The following ADAMTS2 variants were observed in gnomAD, a reference collection of about 807,000 sequenced individuals.
The protein encoded by ADAMTS2 is A disintegrin and metalloproteinase with thrombospondin motifs 2.
A neutral mutation model predicts 123.0 loss-of-function variants in ADAMTS2; 50 were observed. The observed-to-expected ratio is 0.41, with a 90% CI of 0.32 to 0.51. ADAMTS2 has a LOEUF of 0.51. Ranked by LOEUF, ADAMTS2 falls within the 20% of genes least tolerant of loss-of-function variation. The pLI is 0.35. For missense variants in ADAMTS2, 1,494 were observed against 1,705.2 expected, an observed-to-expected ratio of 0.88 and a Z score of 2.18; for synonymous variants, 678 against 695.4, an observed-to-expected ratio of 0.98 and a Z score of 0.39.
chr5:179,163,309 A>G lies in ADAMTS2; in HGVS notation c.976-4430T>C, dbSNP rs528640358. On this transcript the variant is annotated intron_variant, in intron 5 of 21. Transcript: ENST00000251582. ...AAAGGGTACAGAGGAATATTTCCCT[A>G]TTAGAATAGAGTGGGGGTCGGTGAT... Among the ~76,000 whole-genome samples, 7 of 152,298 alleles carry G rather than the reference A, an allele frequency of 4.6e-5. No homozygotes were observed. In the South Asian group the frequency reaches 1.0e-3, roughly 23 times the overall value.
In ADAMTS2 at chr5:179,243,150, G is replaced by GAA. The variant is rs34678289; in HGVS notation, c.688+29759_688+29760dup. 4.5e-3 allele frequency among the ~76,000 whole-genome samples: 644 copies of GAA among 143,916 alleles called. 10 individuals are homozygous for GAA. Among genetic ancestry groups the GAA allele is most frequent in the African/African-American group, 0.016 (607 of 38,790 alleles). The allele number at this position is 143,916 out of a possible 152,430, so 94.4% of individuals were successfully genotyped here. ...GAACCACAGACCAGCTTATTTACTGGAAAAAAAAAAAAAAAATCAGGAGAA... is the reference window on the plus strand; with the variant it reads ...GAACCACAGACCAGCTTATTTACTGGAAAAAAAAAAAAAAAAAATCAGGAGAA... On this transcript the variant is annotated intron_variant, in intron 3 of 21. Coordinates refer to ENST00000251582, the MANE Select transcript of ADAMTS2 (RefSeq NM_014244.5).
rs758074163 is a variant in ADAMTS2, at chr5:179,273,002, C to T, written c.597G>A (p.Ala199=). Residue 199 remains alanine, a synonymous_variant, in exon 3 of 22, where the codon GCG becomes GCA. Transcript: ENST00000251582. ...CACGGCCTTGCTCAGCCTCCTGCGC[C>T]GCCAGCCCCTTCTCCAAGGGTTCGA... ...FFIEPLEKGL[A]AQEAEQGRVH... The T allele has an allele frequency of 1.5e-5, 25 of 1,613,448 alleles. No individual in the cohort carries two copies. Among genetic ancestry groups the T allele is most frequent in the Admixed American group, 5.0e-5 (3 of 60,030 alleles).
rs1200368690 is a variant in ADAMTS2 at position 179,117,914 on chromosome 5, A to G, written c.3179-3590T>C. On this transcript the variant is annotated intron_variant, in intron 21 of 21. Transcript: ENST00000251582. This position sits in a 1 kb window ranked among gnomAD's most constrained non-coding sequence, Gnocchi z 4.2. ...TGTGACAGAGACCATGTGGGCTCCA[A>G]TGCCCAAAATATTGACTACCTGGCC... Among the ~76,000 whole-genome samples the G allele has an allele frequency of 6.6e-6, 1 of 152,186 alleles. No individual in the cohort carries two copies. Among genetic ancestry groups the G allele is most frequent in the Non-Finnish European group, 1.5e-5 (1 of 68,036 alleles).
At chr5:179,144,507 G>A (rs988145806) in intron 10 of ADAMTS2, among the ~76,000 whole-genome samples, 3 of 152,156 alleles carry the variant, frequency 2.0e-5, no homozygotes, top group African/African-American at 7.2e-5. Flanking sequence ...TCACCATTTC[G>A]AAGCTTACTA....
chr5:179,237,587 G>T (rs528251195), intron 3 of ADAMTS2, among the ~76,000 whole-genome samples: 1 of 152,168 alleles, frequency 6.6e-6, no homozygotes, highest in Non-Finnish European at 1.5e-5. Flanking sequence ...TCAGTTAAGC[G>T]GTGCTGCCCA....
chr5:179,344,095 C>A lies in ADAMTS2; in HGVS notation c.206G>T (p.Arg69Leu), dbSNP rs757502176. 13 of 1,609,102 alleles carry A rather than the reference C, an allele frequency of 8.1e-6. No individual in the cohort carries two copies. Among genetic ancestry groups the A allele is most frequent in the Non-Finnish European group, 1.1e-5 (13 of 1,177,638 alleles). The change falls in exon 2 of 22, where the codon CGC becomes CTC. Residue 69 changes from arginine (R) to leucine (L), a missense_variant. This residue lies in a region of ADAMTS2 where 237 missense variants were observed against 233.7 expected (regional missense o/e 1.01). Coordinates refer to ENST00000251582, the MANE Select transcript of ADAMTS2 (RefSeq NM_014244.5). ...TGCCGACACCACGTGGGACACCAAGCGGCCCTGGGCGTCAGTGCGCACGGG... is the reference window on the plus strand; with the variant it reads ...TGCCGACACCACGTGGGACACCAAGAGGCCCTGGGCGTCAGTGCGCACGGG... Reference protein sequence around the residue: ...AVPVRTDAQGRLVSHVVSAAT... With the variant: ...AVPVRTDAQGLLVSHVVSAAT...
At chr5:179,134,835 AGCCCCCAGCTCCCG>A in intron 13 of ADAMTS2, among the ~76,000 whole-genome samples, 1 of 64,396 alleles carries the variant, frequency 1.6e-5, no homozygotes, top group Non-Finnish European at 3.0e-5. Context: ...TCCCGGCTCC[AGCCCCCAGCTCCCG>A]GCTCCAGCTC....
chr5:179,212,175 G>A (rs1764868345), intron 3 of ADAMTS2, among the ~76,000 whole-genome samples: 2 of 152,258 alleles, frequency 1.3e-5, no homozygotes, highest in Non-Finnish European at 2.9e-5. Flanking sequence ...GTGGGATGGT[G>A]CGGGCTCTGA....
rs373906183 is a variant in ADAMTS2, at chr5:179,181,031, G to C, written c.975+41C>G. 1.1e-5 allele frequency: 16 copies of C among 1,522,674 alleles called. No individual in the cohort carries two copies. The African/African-American group carries it at 2.2e-4, about 21-fold the overall frequency. 94.3% of individuals were successfully genotyped at this position (1,522,674 alleles called of 1,614,324 possible). A position where few individuals can be genotyped will look rare whatever the true frequency, so the allele number is the denominator to read the frequency against. On this transcript the variant is annotated intron_variant, in intron 5 of 21. Coordinates refer to ENST00000251582, the MANE Select transcript of ADAMTS2 (RefSeq NM_014244.5). This position sits in a 1 kb window ranked among gnomAD's most constrained non-coding sequence, Gnocchi z 4.1. ...GCCTCACTCCCAGGCCCCTCACTCC[G>C]AGGGGGTGGAGGCAGGCCCGGCTGG...
intron 3 of ADAMTS2, among the ~76,000 whole-genome samples, chr5:179,240,878 C>T (rs911985606): frequency 2.6e-5 from 4 of 152,150 alleles, no homozygotes; most frequent in South Asian, 2.1e-4. Context: ...AGGTTTTGTC[C>T]GGTAAAGGGA....
chr5:179,155,319 CCT>C lies in ADAMTS2; in HGVS notation c.1133-402_1133-401del, dbSNP rs930928037. On this transcript the variant is annotated intron_variant, in intron 6 of 21. Coordinates refer to ENST00000251582, the MANE Select transcript of ADAMTS2 (RefSeq NM_014244.5). This position sits in a 1 kb window ranked among gnomAD's most constrained non-coding sequence, Gnocchi z 5.1. The stretch of plus-strand genomic sequence containing the variant: ...CCCCTGAGCAGCACCTGCTTCCACA[CCT>C]CTCTCTGCTAGAGGCATCCTGCCCC... Among the ~76,000 whole-genome samples the C allele has an allele frequency of 3.3e-5, 5 of 152,206 alleles. No homozygotes were observed. The highest frequency in any genetic ancestry group is 1.2e-4 in the African/African-American group (5 of 41,456).
chr5:179,232,337 G>A (rs184939664), intron 3 of ADAMTS2, among the ~76,000 whole-genome samples: 2 of 152,340 alleles, frequency 1.3e-5, no homozygotes, highest in East Asian at 3.9e-4. Context: ...AGGTGGCTCA[G>A]GCACTGTTCC....
intron 4 of ADAMTS2, among the ~76,000 whole-genome samples, chr5:179,198,144 G>T (rs1305092393): frequency 6.6e-6 from 1 of 152,178 alleles, no homozygotes; most frequent in East Asian, 1.9e-4. Flanking sequence ...GCCCTCGGGG[G>T]CGGGGGGCGG....
intron 2 of ADAMTS2, among the ~76,000 whole-genome samples, chr5:179,302,137 T>C (rs1232406587): frequency 6.6e-6 from 1 of 152,054 alleles, no homozygotes; most frequent in Non-Finnish European, 1.5e-5. Flanking sequence ...CCGGGACTTC[T>C]GCCTCTCACC....
chr5:179,258,014 C>T (rs1021268527), intron 3 of ADAMTS2, among the ~76,000 whole-genome samples: 1 of 152,188 alleles, frequency 6.6e-6, no homozygotes. Context: ...ACCTGCCAGG[C>T]CCCCATCAGT....
In ADAMTS2 at chr5:179,207,641, G is replaced by C; in HGVS notation, c.763C>G (p.Arg255Gly). 1 of 1,613,706 alleles carries C rather than the reference G, an allele frequency of 6.2e-7. No homozygotes were observed. Among genetic ancestry groups the C allele is most frequent in the Admixed American group, 1.7e-5 (1 of 60,026 alleles). ...VLEEHANSSR[R>G]RARRHAADDD... ...TCCGCAGCATGCCTGCGTGCCCTCC[G>C]CCTCGAGCTGTTGGCGTGCTCCTCT... Residue 255 changes from arginine to glycine, a missense_variant, in exon 4 of 22, where the codon CGG becomes GGG. Arg to Gly is a moderately radical substitution (Grantham distance 125, BLOSUM62 -2). Around this residue, in one of 6 missense-constraint regions of ADAMTS2, gnomAD observed 184 missense variants for 152.1 expected, o/e 1.21. Coordinates refer to ENST00000251582, the MANE Select transcript of ADAMTS2 (RefSeq NM_014244.5).
At chr5:179,343,661 A>G in intron 2 of ADAMTS2, 106 bp downstream of exon 2, 1 of 1,441,130 alleles carries the variant, frequency 6.9e-7, no homozygotes, top group Non-Finnish European at 9.4e-7. Context: ...GGGCGCGGAA[A>G]GTCCTCAGCG....
Position 179,209,552 on chromosome 5 carries a change from ACACACACAAG to A in ADAMTS2, c.689-1847_689-1838del, listed in dbSNP as rs549955286. Among the ~76,000 whole-genome samples the A allele has an allele frequency of 3.1e-3, 464 of 152,000 alleles. 5 individuals carry two copies. Among genetic ancestry groups the A allele is most frequent in the African/African-American group, 9.4e-3 (389 of 41,410 alleles). On this transcript the variant is annotated intron_variant, in intron 3 of 21. Transcript: ENST00000251582. The stretch of plus-strand genomic sequence containing the variant: ...CACACACACATGCACACACATGTAC[ACACACACAAG>A]CACACACATGCACACACATGTACAC...
At chr5:179,174,922 G>C (rs1034151426) in intron 5 of ADAMTS2, among the ~76,000 whole-genome samples, 1 of 145,896 alleles carries the variant, frequency 6.9e-6, no homozygotes, top group Non-Finnish European at 1.5e-5. Context: ...GACCATTCAT[G>C]TTCCTTTGGA....
Sources: gnomAD v4.1 joint callset for allele counts (sites outside exome capture counted in the v4.1 genomes callset) on GRCh38, gnomAD v4.1.1 for gene constraint, gnomAD v4.1.1 regional missense constraint, Gnocchi (gnomAD v3.1) non-coding constraint, MANE v1.5 for transcripts, NCBI Gene and HGNC (gene_info 2026-07-23, HGNC 2026-07-21) for gene names.